BEND6: variants seen among roughly 807,000 people sequenced by gnomAD.
The protein encoded by BEND6 is BEN domain-containing protein 6.
In BEND6, 24 loss-of-function variants were observed where a neutral mutation model predicts 31.8. That is an observed-to-expected ratio of 0.75 (90% CI 0.55 to 1.06). BEND6 has a LOEUF of 1.06. BEND6 is among the 50% of genes least tolerant of loss of function. The pLI is 0.00. For missense variants in BEND6, 294 were observed against 327.4 expected (o/e 0.90, Z 0.79); for synonymous variants, 109 against 114.6 (o/e 0.95, Z 0.31).
At chr6:57,000,700 T>G (rs1826903244) in intron 3 of BEND6, among the ~76,000 whole-genome samples, 1 of 151,374 alleles carries the variant, frequency 6.6e-6, no homozygotes, top group African/African-American at 2.4e-5. Flanking sequence ...ATTAGTGGTT[T>G]GGAGAGGAAA....
intron 2 of BEND6, among the ~76,000 whole-genome samples, chr6:56,989,567 C>T (rs1480372049): frequency 6.6e-6 from 1 of 152,152 alleles, no homozygotes; most frequent in Non-Finnish European, 1.5e-5. Context: ...AATTTACATT[C>T]CCACCAGAAA....
intron 6 of BEND6, among the ~76,000 whole-genome samples, chr6:57,023,536 A>C (rs887750924): frequency 1.3e-5 from 2 of 151,892 alleles, no homozygotes; most frequent in East Asian, 3.9e-4. Flanking sequence ...TCTCATAGGC[A>C]ACATGGTAGT....
intron 1 of BEND6, chr6:56,975,957 C>A (rs548675752): frequency 1.4e-4 from 75 of 525,984 alleles, no homozygotes; most frequent in African/African-American, 1.3e-3. Context: ...AGAGCATACA[C>A]AGTCATGGTC....
At chr6:57,000,736 C>G (rs997977123) in intron 3 of BEND6, among the ~76,000 whole-genome samples, 2 of 150,888 alleles carry the variant, frequency 1.3e-5, no homozygotes, top group Non-Finnish European at 3.0e-5. Flanking sequence ...GGCTGGGAGG[C>G]GATTCCTTTC....
chr6:56,988,146 A>G (rs1404874589), intron 2 of BEND6, among the ~76,000 whole-genome samples: 1 of 151,472 alleles, frequency 6.6e-6, no homozygotes, highest in African/African-American at 2.4e-5. Flanking sequence ...CCTCCCAGGT[A>G]GCTGGGACTA....
intron 6 of BEND6, among the ~76,000 whole-genome samples, chr6:57,024,199 A>G (rs963876073): frequency 3.3e-5 from 5 of 152,038 alleles, no homozygotes; most frequent in Admixed American, 2.0e-4. Flanking sequence ...TATTGTTTTG[A>G]TACATTTGTC....
intron 1 of BEND6, among the ~76,000 whole-genome samples, chr6:56,967,831 G>T (rs1051020890): frequency 1.3e-5 from 2 of 152,184 alleles, no homozygotes; most frequent in African/African-American, 4.8e-5. Context: ...TCTGGCTTGA[G>T]CGTGCTTATG....
At chr6:56,982,169 C>T (rs1826095617) in intron 2 of BEND6, among the ~76,000 whole-genome samples, 1 of 152,200 alleles carries the variant, frequency 6.6e-6, no homozygotes, top group Non-Finnish European at 1.5e-5. Context: ...GATCCTCCCA[C>T]GTCAGCCTCT....
chr6:57,005,043 C>T (rs747236554), intron 3 of BEND6, among the ~76,000 whole-genome samples: 6 of 152,112 alleles, frequency 3.9e-5, no homozygotes, highest in Non-Finnish European at 8.8e-5. Context: ...CCAGAAGAAA[C>T]AGGTAAGTGA....
rs115798218 is a variant in BEND6 at position 56,977,314 on chromosome 6, A to G, written c.-100-4397A>G. On this transcript the variant is annotated intron_variant, in intron 1 of 6. Coordinates refer to ENST00000370746, the MANE Select transcript of BEND6 (RefSeq NM_152731.3). Reference sequence around the variant, plus strand: ...ACAGGTTACTGCTCAGTTGTTTTTTATTTGAGAAACAAATGCTGAGTTTAG... The same window carrying G: ...ACAGGTTACTGCTCAGTTGTTTTTTGTTTGAGAAACAAATGCTGAGTTTAG... Among the ~76,000 whole-genome samples, 435 of 152,316 alleles carry G rather than the reference A, an allele frequency of 2.9e-3. 2 individuals carry two copies. The highest frequency in any genetic ancestry group is 9.6e-3 in the African/African-American group (398 of 41,576).
At chr6:57,005,170 A>G (rs974137256) in intron 3 of BEND6, among the ~76,000 whole-genome samples, 2 of 152,174 alleles carry the variant, frequency 1.3e-5, no homozygotes, top group Admixed American at 6.5e-5. Context: ...TCACTGGCTC[A>G]TAATAGGTGT....
intron 1 of BEND6, among the ~76,000 whole-genome samples, chr6:56,961,985 T>C (rs146757650): frequency 7.0e-4 from 106 of 152,334 alleles, no homozygotes; most frequent in African/African-American, 2.3e-3. Flanking sequence ...AATTAGATTA[T>C]TGTTGTGACA....
chr6:56,964,785 C>T (rs948619126), intron 1 of BEND6, among the ~76,000 whole-genome samples: 3 of 152,204 alleles, frequency 2.0e-5, no homozygotes. Flanking sequence ...TGTGAGCCTC[C>T]TCACCTGGCC....
At chr6:56,977,741 G>A (rs1427767597) in intron 1 of BEND6, among the ~76,000 whole-genome samples, 1 of 152,146 alleles carries the variant, frequency 6.6e-6, no homozygotes, top group East Asian at 1.9e-4. Flanking sequence ...AAGGTCACTT[G>A]AAGCCGGGAG....
chr6:56,962,460 ATC>A, intron 1 of BEND6, among the ~76,000 whole-genome samples: 1 of 152,150 alleles, frequency 6.6e-6, no homozygotes, highest in Non-Finnish European at 1.5e-5. Flanking sequence ...ACGTATCCCG[ATC>A]TCTCAGTGTG....
chr6:56,956,978 G>A (rs1434346627), intron 1 of BEND6, among the ~76,000 whole-genome samples: 1 of 152,180 alleles, frequency 6.6e-6, no homozygotes, highest in African/African-American at 2.4e-5. Context: ...ACAGAATTTT[G>A]GAAGGTCATC....
intron 1 of BEND6, among the ~76,000 whole-genome samples, chr6:56,956,884 G>A (rs781287444): frequency 6.6e-6 from 1 of 152,210 alleles, no homozygotes; most frequent in African/African-American, 2.4e-5. Context: ...ATTCTCCACC[G>A]CATTGACTCA....
At chr6:57,003,512 GCAACAACAA>G (rs371966915) in intron 3 of BEND6, among the ~76,000 whole-genome samples, 31 of 146,638 alleles carry the variant, frequency 2.1e-4, no homozygotes, top group South Asian at 6.4e-4. Context: ...AAAACAAACA[GCAACAACAA>G]CAACAACAAC....
At chr6:56,960,547 AG>A (rs1825253084) in intron 1 of BEND6, among the ~76,000 whole-genome samples, 2 of 152,332 alleles carry the variant, frequency 1.3e-5, no homozygotes, top group Middle Eastern at 3.4e-3. Context: ...ATAAAACTAC[AG>A]CAACATTGAA....
Sources: allele counts gnomAD v4.1 joint callset (sites outside exome capture counted in the v4.1 genomes callset), GRCh38; gene constraint gnomAD v4.1.1; transcripts MANE v1.5; gene names NCBI Gene and HGNC (gene_info 2026-07-23, HGNC 2026-07-21).